Variants in SLC39A4 observed in about 807,000 individuals in gnomAD.
SLC39A4 encodes zinc transporter ZIP4.
A neutral mutation model predicts 56.6 loss-of-function variants in SLC39A4; 49 were observed. That is an observed-to-expected ratio of 0.87 (90% CI 0.69 to 1.10). SLC39A4 has a LOEUF of 1.10. SLC39A4 is among the 50% of genes least tolerant of loss of function. SLC39A4 has a pLI of 0.00. For missense variants in SLC39A4, 993 were observed against 864.2 expected (o/e 1.15, Z -1.87); for synonymous variants, 540 against 420.4 (o/e 1.28, Z -3.48).
Position 144,413,518 on chromosome 8 carries a change from C to A in SLC39A4, c.1469G>T (p.Ser490Ile). The A allele has an allele frequency of 6.4e-7, 1 of 1,556,730 alleles. No homozygotes were observed. Among genetic ancestry groups the A allele is most frequent in the African/African-American group, 1.4e-5 (1 of 73,560 alleles). ...ELLNPEPRRL[S>I]PELRLLPYMI... The stretch of plus-strand genomic sequence containing the variant: ...GGGTCGCCCCCTGGGCTCACCTGGG[C>A]TCAGTCTCCTGGGCTCAGGGTTCAG... The change falls in exon 9 of 12, where the codon AGC (serine) becomes ATC (isoleucine). Residue 490 changes from serine (S) to isoleucine (I), a missense_variant. Transcript: ENST00000301305.
In SLC39A4 at chr8:144,413,869, C is replaced by T. The variant is rs782314627; in HGVS notation, c.1300G>A (p.Gly434Arg). The change falls in exon 8 of 12, where the codon GGG becomes AGG. Residue 434 changes from glycine (G) to arginine (R), a missense_variant. Physicochemically the swap from Gly to Arg is moderately radical, Grantham distance 125. Coordinates refer to ENST00000301305, the MANE Select transcript of SLC39A4 (RefSeq NM_130849.4). ...LPRDPEDLED[G>R]PCGHSSHSHG... ...CTATGGCTGCTGTGGCCGCAGGGCC[C>T]GTCCTCCAGGTCCTGTGAGGGTAGG... The T allele has an allele frequency of 5.6e-6, 9 of 1,604,264 alleles. No individual in the cohort carries two copies. The Admixed American group carries it at 8.4e-5, about 15-fold the overall frequency.
rs537941318 is a variant in SLC39A4, at chr8:144,414,707, G to T, written c.976+18C>A. ...TCCACCTCTGTGCTGCCAGCACAATGTCGGCGTGGGCACTCACTCTCTGAC... is the reference window on the plus strand; with the variant it reads ...TCCACCTCTGTGCTGCCAGCACAATTTCGGCGTGGGCACTCACTCTCTGAC... On this transcript the variant is annotated intron_variant, in intron 5 of 11. Coordinates refer to ENST00000301305, the MANE Select transcript of SLC39A4 (RefSeq NM_130849.4). 3.1e-6 allele frequency: 5 copies of T among 1,611,734 alleles called. No individual in the cohort carries two copies. The highest frequency in any genetic ancestry group is 4.2e-6 in the Non-Finnish European group (5 of 1,179,066).
rs1554872071 is a variant in SLC39A4 at position 144,412,927 on chromosome 8, C to A, written c.1647G>T (p.Leu549=). Residue 549 remains leucine, a synonymous_variant, in exon 11 of 12, where the codon CTG becomes CTT. Coordinates refer to ENST00000301305, the MANE Select transcript of SLC39A4 (RefSeq NM_130849.4). ...PHELGDFAAL[L]HAGLSVRQAL... is the part of the protein sequence containing the mutation. ...CTTGGCGCACGGACAGCCCCGCGTGCAGCAAGGCGGCGAAGTCCCCTGCGG... is the reference window on the plus strand; with the variant it reads ...CTTGGCGCACGGACAGCCCCGCGTGAAGCAAGGCGGCGAAGTCCCCTGCGG... 6.2e-7 allele frequency: 1 copy of A among 1,604,692 alleles called. No individual in the cohort carries two copies. The highest frequency in any genetic ancestry group is 8.5e-7 in the Non-Finnish European group (1 of 1,178,822).
chr8:144,415,722 TC>T, intron 2 of SLC39A4, 87 bp downstream of exon 2: 1 of 1,449,038 alleles, frequency 6.9e-7, no homozygotes, highest in African/African-American at 1.4e-5. Flanking sequence ...GCCCCCAGGC[TC>T]CCCGAAGGCT....
rs559703235 is a variant in SLC39A4 at position 144,413,880 on chromosome 8, T to C, written c.1289A>G (p.Asp430Gly). The change falls in exon 8 of 12, where the codon GAC (aspartate) becomes GGC (glycine). Residue 430 changes from aspartate (D) to glycine (G), a missense_variant and splice_region_variant. Asp to Gly is a moderately conservative substitution (Grantham distance 94, BLOSUM62 -1). Coordinates refer to ENST00000301305, the MANE Select transcript of SLC39A4 (RefSeq NM_130849.4). ...GTGGCCGCAGGGCCCGTCCTCCAGG[T>C]CCTGTGAGGGTAGGTGCTCAGTGTC... ...FNLLLPRDPEDLEDGPCGHSS... is the reference protein window; with the variant it reads ...FNLLLPRDPEGLEDGPCGHSS... 6.2e-7 allele frequency: 1 copy of C among 1,606,948 alleles called. No homozygotes were observed. Among genetic ancestry groups the C allele is most frequent in the African/African-American group, 1.3e-5 (1 of 74,962 alleles).
intron 8 of SLC39A4, 40 bp downstream of exon 8, chr8:144,413,710 A>G (rs1354960342): frequency 7.8e-6 from 12 of 1,533,244 alleles, no homozygotes; most frequent in Non-Finnish European, 1.0e-5. Context: ...GGTCGGTGGG[A>G]GGGGCTCCGC....
At position 144,415,249 on chromosome 8, in the gene SLC39A4, G is replaced by A. The variant is rs776069736; in HGVS notation, c.645C>T (p.Ser215=). 4.6e-5 allele frequency: 75 copies of A among 1,612,988 alleles called. No homozygotes were observed. Among genetic ancestry groups the A allele is most frequent in the Middle Eastern group, 1.6e-4 (1 of 6,084 alleles). ...CACCGGCCAGCGTCATAGGGACCTC[G>A]CTGCTGTGCTGCTGGAACACAAAGT... ...FVDFVFQQHS[S]EVPMTLAELS... The change falls in exon 3 of 12, where the codon AGC becomes AGT. Residue 215 remains serine, a synonymous_variant. Transcript: ENST00000301305.
At position 144,415,135 on chromosome 8, in the gene SLC39A4, G is replaced by T. The variant is rs201118130; in HGVS notation, c.668-25C>A. On this transcript the variant is annotated intron_variant, in intron 3 of 11. Coordinates refer to ENST00000301305, the MANE Select transcript of SLC39A4 (RefSeq NM_130849.4). ...TCTGGCAGGGAGAAGAGTTGGCACC[G>T]CGAGTCTGTGTGGGCTCCGGCCCTG... The T allele has an allele frequency of 1.9e-6, 3 of 1,612,538 alleles. No homozygotes were observed. In the South Asian group the frequency reaches 3.3e-5, roughly 18 times the overall value.
intron 5 of SLC39A4, 143 bp downstream of exon 5, chr8:144,414,582 C>T (rs144166989): frequency 1.7e-4 from 254 of 1,489,136 alleles, no homozygotes; most frequent in Middle Eastern, 4.8e-4. Flanking sequence ...ACTCTCCTGG[C>T]GACGCCACCT....
In SLC39A4 at chr8:144,413,870, G is replaced by A. The variant is rs528212894; in HGVS notation, c.1299C>T (p.Asp433=). 2.3e-5 allele frequency: 37 copies of A among 1,604,474 alleles called. No homozygotes were observed. The East Asian group carries it at 5.4e-4, about 23-fold the overall frequency. Residue 433 remains aspartate, a synonymous_variant, in exon 8 of 12, where the codon GAC becomes GAT. Coordinates refer to ENST00000301305, the MANE Select transcript of SLC39A4 (RefSeq NM_130849.4). The part of the protein sequence containing the change: ...LLPRDPEDLE[D]GPCGHSSHSH... ...TATGGCTGCTGTGGCCGCAGGGCCC[G>A]TCCTCCAGGTCCTGTGAGGGTAGGT...
At chr8:144,415,459 C>A in intron 2 of SLC39A4, 40 bp from the exon 3 acceptor site, 1 of 1,559,134 alleles carries the variant, frequency 6.4e-7, no homozygotes, top group Non-Finnish European at 8.7e-7. Flanking sequence ...TTTGGTGTGA[C>A]CTTCTGCCAT....
At position 144,416,729 on chromosome 8, in the gene SLC39A4, T is replaced by C. The variant is rs1822222523; in HGVS notation, c.61A>G (p.Thr21Ala). ...LLLAVLVVTA[T>A]ASPPAGLLSL... ...AGCAGACCAGCAGGCGGGGACGCCG[T>C]CGCCGTCACCACCAGCACAGCCAGA... The change falls in exon 1 of 12, where the codon ACG becomes GCG. Residue 21 changes from threonine (T) to alanine (A), a missense_variant. Transcript: ENST00000301305. 1.9e-6 allele frequency: 3 copies of C among 1,612,340 alleles called. No individual in the cohort carries two copies. The highest frequency in any genetic ancestry group is 3.3e-5 in the Admixed American group (2 of 59,970).
intron 10 of SLC39A4, 33 bp downstream of exon 10, chr8:144,413,204 G>A: frequency 9.1e-7 from 1 of 1,104,882 alleles, no homozygotes; most frequent in South Asian, 1.3e-5. Flanking sequence ...GTGCGGCCCC[G>A]CCCATCTCCT....
At chr8:144,415,537 T>C (rs1480479477) in intron 2 of SLC39A4, 118 bp from the exon 3 acceptor site, 19 of 1,248,634 alleles carry the variant, frequency 1.5e-5, no homozygotes, top group African/African-American at 3.2e-5. Flanking sequence ...GCCCCGCCCC[T>C]CCCTGGAGCC....
chr8:144,413,200 C>T (rs1230801482), intron 10 of SLC39A4, 37 bp downstream of exon 10: 2 of 1,528,916 alleles, frequency 1.3e-6, no homozygotes, highest in Non-Finnish European at 1.8e-6. Context: ...CCCCGTGCGG[C>T]CCCGCCCATC....
At chr8:144,416,187 C>T (rs781923406) in intron 1 of SLC39A4, 96 bp from the exon 2 acceptor site, 1 of 1,594,460 alleles carries the variant, frequency 6.3e-7, no homozygotes, top group Non-Finnish European at 8.5e-7. Context: ...GTTTCCCTTT[C>T]AAGTCCAACA....
rs781961450 is a variant in SLC39A4 at position 144,415,143 on chromosome 8, G to C, written c.668-33C>G. Reference sequence around the variant, plus strand: ...GGAGAAGAGTTGGCACCGCGAGTCTGTGTGGGCTCCGGCCCTGCCCCCCAG... The same window carrying C: ...GGAGAAGAGTTGGCACCGCGAGTCTCTGTGGGCTCCGGCCCTGCCCCCCAG... On this transcript the variant is annotated intron_variant, in intron 3 of 11. Coordinates refer to ENST00000301305, the MANE Select transcript of SLC39A4 (RefSeq NM_130849.4). The C allele has an allele frequency of 5.0e-6, 8 of 1,612,706 alleles. No individual in the cohort carries two copies. The South Asian group carries it at 7.7e-5, about 15-fold the overall frequency.
Position 144,415,824 on chromosome 8 carries a change from G to T in SLC39A4, c.460C>A (p.Gln154Lys). Residue 154 changes from glutamine to lysine, a missense_variant, in exon 2 of 12, where the codon CAG becomes AAG. Physicochemically the swap from Gln to Lys is moderately conservative, Grantham distance 53 (BLOSUM62 1). Transcript: ENST00000301305. ...LQRMQARAAG[Q>K]TPKMACVDIP... ...CTCTCCCTCACCATCTTGGGGGTCT[G>T]GCCGGCAGCCCGGGCCTGCATCCTC... is the stretch of plus-strand genomic sequence containing the variant. The T allele has an allele frequency of 6.3e-7, 1 of 1,594,770 alleles. No individual in the cohort carries two copies. The highest frequency in any genetic ancestry group is 8.5e-7 in the Non-Finnish European group (1 of 1,175,712).
At position 144,412,512 on chromosome 8, in the gene SLC39A4, C is replaced by T. The variant is rs1169500127; in HGVS notation, c.*26G>A. 6.2e-7 allele frequency: 1 copy of T among 1,613,876 alleles called. No individual in the cohort carries two copies. The highest frequency in any genetic ancestry group is 8.5e-7 in the Non-Finnish European group (1 of 1,180,022). On this transcript the variant is annotated 3_prime_UTR_variant, in exon 12 of 12. Transcript: ENST00000301305. ...GTTTGTGAGGTGTGGGATCTTAAGT[C>T]AAAGGTGGGGGACTAGGGCAGGGTA... is the stretch of plus-strand genomic sequence containing the variant.
Sources: allele counts gnomAD v4.1 joint callset, GRCh38; gene constraint gnomAD v4.1.1; transcripts MANE v1.5; gene names NCBI Gene and HGNC (gene_info 2026-07-23, HGNC 2026-07-21).